Variants in ZFPM1 observed in about 807,000 individuals in gnomAD.
ZFPM1 encodes the protein zinc finger protein ZFPM1.
In ZFPM1, 28 loss-of-function variants were observed where a neutral mutation model predicts 46.3. The observed-to-expected ratio is 0.60, with a 90% CI of 0.45 to 0.83. The LOEUF is 0.83. ZFPM1 is among the 40% of genes least tolerant of loss of function. The pLI is 0.00. For missense variants in ZFPM1, 1,878 were observed against 1,432.4 expected, an observed-to-expected ratio of 1.31 and a Z score of -5.02; for synonymous variants, 957 against 675.9, an observed-to-expected ratio of 1.42 and a Z score of -6.45.
chr16:88,533,179 G>T lies in ZFPM1; in HGVS notation c.1221G>T (p.Thr407=). The T allele has an allele frequency of 6.6e-7, 1 of 1,521,044 alleles. No homozygotes were observed. Among genetic ancestry groups the T allele is most frequent in the Non-Finnish European group, 8.7e-7 (1 of 1,143,352 alleles). 94.2% of individuals were successfully genotyped at this position (1,521,044 alleles called of 1,614,324 possible). The stretch of plus-strand genomic sequence containing the variant: ...TGGGCAGCTTCCAGCAGCAGCACAC[G>T]GCCCTGCAAGGCCCCCTGGCCTCCG... ...DSLGSFQQQH[T]ALQGPLASAD... Residue 407 remains threonine (T), a synonymous_variant, in exon 10 of 10, where the codon ACG becomes ACT. Transcript: ENST00000319555.
intron 1 of ZFPM1, among the ~76,000 whole-genome samples, chr16:88,479,345 G>T (rs1238987683): frequency 3.9e-5 from 6 of 152,120 alleles, no homozygotes; most frequent in Admixed American, 1.3e-4. Flanking sequence ...GGGCCAGGGG[G>T]TGTGGACAGC....
Position 88,453,695 on chromosome 16 carries a change from C to T in ZFPM1, c.40+17C>T. 1 of 1,192,886 alleles carries T rather than the reference C, an allele frequency of 8.4e-7. No homozygotes were observed. Among genetic ancestry groups the T allele is most frequent in the Non-Finnish European group, 1.1e-6 (1 of 945,942 alleles). 73.9% of individuals were successfully genotyped at this position (1,192,886 alleles called of 1,614,324 possible). ...AGATCAAGCGTGAGTCAAACTTTGC[C>T]CGCGGTCCCCTCCGCGCGCCCGACC... is the stretch of plus-strand genomic sequence containing the variant. On this transcript the variant is annotated intron_variant, in intron 1 of 9. Coordinates refer to ENST00000319555, the MANE Select transcript of ZFPM1 (RefSeq NM_153813.3).
At position 88,497,646 on chromosome 16, in the gene ZFPM1, G is replaced by A. The variant is rs1279277330; in HGVS notation, c.268+8493G>A. ...CTGAAGGGTTTTGTGGGGGGTGTTC[G>A]TGCCGTGAGCGATCCGGTCCAGCAT... On this transcript the variant is annotated intron_variant, in intron 3 of 9. Coordinates refer to ENST00000319555, the MANE Select transcript of ZFPM1 (RefSeq NM_153813.3). This position sits in a 1 kb window ranked among gnomAD's most constrained non-coding sequence, Gnocchi z 5.4. 1.3e-5 allele frequency among the ~76,000 whole-genome samples: 2 copies of A among 152,116 alleles called. No homozygotes were observed. The highest frequency in any genetic ancestry group is 6.5e-5 in the Admixed American group (1 of 15,282).
chr16:88,523,831 C>G (rs1243919845), intron 4 of ZFPM1, among the ~76,000 whole-genome samples: 1 of 152,224 alleles, frequency 6.6e-6, no homozygotes, highest in African/African-American at 2.4e-5. Flanking sequence ...GGAGCCTCAC[C>G]CTCCTTCCCC....
At chr16:88,481,239 CCT>C (rs770469970) in intron 1 of ZFPM1, among the ~76,000 whole-genome samples, 2 of 152,210 alleles carry the variant, frequency 1.3e-5, no homozygotes, top group East Asian at 3.9e-4. Context: ...CCCGTGGACA[CCT>C]CCAGGCAGGT....
At chr16:88,461,288 G>T (rs989387371) in intron 1 of ZFPM1, among the ~76,000 whole-genome samples, 10 of 152,012 alleles carry the variant, frequency 6.6e-5, no homozygotes. Context: ...GCCTGGTGAG[G>T]ACCAGGATGC....
intron 1 of ZFPM1, among the ~76,000 whole-genome samples, chr16:88,484,669 G>A (rs754583797): frequency 3.3e-5 from 5 of 152,172 alleles, no homozygotes; most frequent in Non-Finnish European, 7.4e-5. Context: ...GGGGGCAGTC[G>A]CAGCACGCAG....
At chr16:88,458,150 G>A (rs899155085) in intron 1 of ZFPM1, among the ~76,000 whole-genome samples, 9 of 152,180 alleles carry the variant, frequency 5.9e-5, no homozygotes, top group Non-Finnish European at 1.0e-4. Context: ...CCAGGCGGCC[G>A]GGCCTGCGCT....
In ZFPM1 at chr16:88,501,605, T is replaced by G. The variant is rs1203637035; in HGVS notation, c.268+12452T>G. On this transcript the variant is annotated intron_variant, in intron 3 of 9. Coordinates refer to ENST00000319555, the MANE Select transcript of ZFPM1 (RefSeq NM_153813.3). The stretch of plus-strand genomic sequence containing the variant: ...GTGGGTGCATGGGCTCTCCCGCAGG[T>G]ACTGGTGATGATGGAGATAGTGGGC... Among the ~76,000 whole-genome samples the G allele has an allele frequency of 1.6e-5, 2 of 123,712 alleles. 1 individual carries two copies. Among genetic ancestry groups the G allele is most frequent in the South Asian group, 5.0e-4 (2 of 4,032 alleles). 81.2% of individuals were successfully genotyped at this position (123,712 alleles called of 152,430 possible). A position where few individuals can be genotyped will look rare whatever the true frequency, so the allele number is the denominator to read the frequency against.
chr16:88,520,159 G>A (rs1358950411), intron 4 of ZFPM1, among the ~76,000 whole-genome samples: 1 of 147,472 alleles, frequency 6.8e-6, no homozygotes, highest in Non-Finnish European at 1.5e-5. Context: ...CGGGTGAATG[G>A]GTGGATGCAT....
intron 1 of ZFPM1, among the ~76,000 whole-genome samples, chr16:88,457,313 A>G (rs544470813): frequency 3.5e-4 from 53 of 152,378 alleles, no homozygotes; most frequent in Non-Finnish European, 1.6e-4. Flanking sequence ...TACCATGCTC[A>G]TGACCCAGAG....
At chr16:88,488,149 G>A (rs1567535003) in intron 2 of ZFPM1, among the ~76,000 whole-genome samples, 1 of 152,236 alleles carries the variant, frequency 6.6e-6, no homozygotes, top group Non-Finnish European at 1.5e-5. Flanking sequence ...CAGCCTTAGT[G>A]CCGCACGCAG....
chr16:88,534,285 G>T lies in ZFPM1; in HGVS notation c.2327G>T (p.Gly776Val). Residue 776 changes from glycine to valine, a missense_variant, in exon 10 of 10, where the codon GGA becomes GTA. Gly to Val is a moderately radical substitution (Grantham distance 109). Transcript: ENST00000319555. ...TCGCCGCGGCCCGGAAGCGGAAGCGGAAGCGGCCCCGGCCTCGCCCCTGCG... is the reference window on the plus strand; with the variant it reads ...TCGCCGCGGCCCGGAAGCGGAAGCGTAAGCGGCCCCGGCCTCGCCCCTGCG... ...PESPRPGSGS[G>V]SGPGLAPARS... is the part of the protein sequence containing the mutation. 8.5e-7 allele frequency: 1 copy of T among 1,170,686 alleles called. No individual in the cohort carries two copies. Among genetic ancestry groups the T allele is most frequent in the Non-Finnish European group, 1.0e-6 (1 of 952,440 alleles). The allele number at this position is 1,170,686 out of a possible 1,614,324, so 72.5% of individuals were successfully genotyped here. A position where few individuals can be genotyped will look rare whatever the true frequency, so the allele number is the denominator to read the frequency against.
At chr16:88,528,488 C>T (rs1912522783) in intron 6 of ZFPM1, among the ~76,000 whole-genome samples, 1 of 152,232 alleles carries the variant, frequency 6.6e-6, no homozygotes, top group African/African-American at 2.4e-5. Context: ...TAGGCACAGA[C>T]TCGGCTCTGC....
intron 1 of ZFPM1, among the ~76,000 whole-genome samples, chr16:88,477,125 G>T (rs1214119658): frequency 1.3e-5 from 2 of 152,248 alleles, no homozygotes; most frequent in East Asian, 3.9e-4. Flanking sequence ...GAGGAAATTG[G>T]AACATGGACA....
chr16:88,500,788 G>C (rs1212389881), intron 3 of ZFPM1, among the ~76,000 whole-genome samples: 1 of 152,242 alleles, frequency 6.6e-6, no homozygotes. Context: ...GGGCAGGGCA[G>C]GGCCCACAGT....
chr16:88,485,824 C>A, intron 1 of ZFPM1, 115 bp from the exon 2 acceptor site: 2 of 894,920 alleles, frequency 2.2e-6, no homozygotes, highest in Non-Finnish European at 3.5e-6. Flanking sequence ...CCCTCACCCC[C>A]ACCCATTGCC....
chr16:88,533,451 C>T lies in ZFPM1; in HGVS notation c.1493C>T (p.Ala498Val), dbSNP rs1356208362. The T allele has an allele frequency of 3.5e-6, 5 of 1,442,214 alleles. No individual in the cohort carries two copies. The highest frequency in any genetic ancestry group is 4.5e-6 in the Non-Finnish European group (5 of 1,106,652). The allele number at this position is 1,442,214 out of a possible 1,614,324, so 89.3% of individuals were successfully genotyped here. The change falls in exon 10 of 10, where the codon GCC becomes GTC. Residue 498 changes from alanine (A) to valine (V), a missense_variant. Ala to Val is a moderately conservative substitution (Grantham distance 64). Transcript: ENST00000319555. ...CCGTCGCCGCGCAGCCCCGCCCCGG[C>T]CAGGGTCAAGGCCGAGCTGTCCAGC... is the stretch of plus-strand genomic sequence containing the variant. ...RTPSPRSPAP[A>V]RVKAELSSPT...
chr16:88,456,051 G>T (rs1907545322), intron 1 of ZFPM1, among the ~76,000 whole-genome samples: 1 of 152,260 alleles, frequency 6.6e-6, no homozygotes, highest in African/African-American at 2.4e-5. Flanking sequence ...CCGCGACTGG[G>T]GCGAGTGGGG....
Sources: allele counts gnomAD v4.1 joint callset (sites outside exome capture counted in the v4.1 genomes callset), GRCh38; gene constraint gnomAD v4.1.1; non-coding constraint Gnocchi (gnomAD v3.1); transcripts MANE v1.5; gene names NCBI Gene and HGNC (gene_info 2026-07-23, HGNC 2026-07-21).